Variants in SFXN5 observed in about 807,000 individuals in gnomAD.
SFXN5 encodes sideroflexin 5, also known as sideroflexin-5.
A neutral mutation model predicts 50.2 loss-of-function variants in SFXN5; 43 were observed. That is an observed-to-expected ratio of 0.86 (90% CI 0.67 to 1.11). The LOEUF is 1.11. Ranked by LOEUF, SFXN5 falls within the 50% of genes least tolerant of loss-of-function variation. The probability of loss-of-function intolerance (pLI) is 0.00; values close to 1 mark genes in which losing one functional copy is unlikely to be tolerated. For synonymous variants in SFXN5, 203 were observed against 185.8 expected (o/e 1.09, Z -0.75); for missense variants, 463 against 454.1 (o/e 1.02, Z -0.18).
rs754678406 is a variant in SFXN5, at chr2:73,023,153, C to T, written c.276+35G>A. 1.9e-5 allele frequency: 31 copies of T among 1,593,768 alleles called. No individual in the cohort carries two copies. In the East Asian group the frequency reaches 2.0e-4, roughly 11 times the overall value. ...GGGCAGGGTGGAGTCCAGGACAACA[C>T]GGAGAAGGAAATAGAGAATCCAAAA... On this transcript the variant is annotated intron_variant, in intron 4 of 13. Coordinates refer to ENST00000272433, the MANE Select transcript of SFXN5 (RefSeq NM_144579.3).
Position 72,988,358 on chromosome 2 carries a change from A to C in SFXN5, c.535-10T>G. 16 of 1,611,990 alleles carry C rather than the reference A, an allele frequency of 9.9e-6. No individual in the cohort carries two copies. The highest frequency in any genetic ancestry group is 1.3e-5 in the Non-Finnish European group (15 of 1,178,742). On this transcript the variant is annotated splice_polypyrimidine_tract_variant and intron_variant, in intron 9 of 13. Coordinates refer to ENST00000272433, the MANE Select transcript of SFXN5 (RefSeq NM_144579.3). ...GGACATTAAGGCCCACCTTTGAAAG[A>C]AAAAAATAAAAACACAGAAAAAGTA...
chr2:73,063,852 T>G (rs940056044), intron 1 of SFXN5, among the ~76,000 whole-genome samples: 1 of 152,234 alleles, frequency 6.6e-6, no homozygotes, highest in Non-Finnish European at 1.5e-5. Flanking sequence ...AGGAAGGTTA[T>G]ACTTTCTCAG....
In SFXN5 at chr2:72,945,413, T is replaced by C. The variant is rs947025750; in HGVS notation, c.946-314A>G. The stretch of plus-strand genomic sequence containing the variant: ...CCTCACCCCCAAGAACCATGTCCAC[T>C]GCACTGCAGACCTACCACAGCCCTG... On this transcript the variant is annotated intron_variant, in intron 13 of 13. Transcript: ENST00000272433. The surrounding 1 kb of genome is among the most constrained non-coding windows in gnomAD (Gnocchi z 5.8). 2.6e-5 allele frequency among the ~76,000 whole-genome samples: 4 copies of C among 151,966 alleles called. No individual in the cohort carries two copies. The highest frequency in any genetic ancestry group is 9.7e-5 in the African/African-American group (4 of 41,358).
intron 10 of SFXN5, among the ~76,000 whole-genome samples, chr2:72,985,005 G>A (rs1671730175): frequency 6.6e-6 from 1 of 152,272 alleles, no homozygotes; most frequent in Non-Finnish European, 1.5e-5. Flanking sequence ...AGAAGTGTGA[G>A]AGCCTGGATG....
chr2:73,020,411 T>G, intron 5 of SFXN5, 147 bp from the exon 6 acceptor site: 1 of 703,728 alleles, frequency 1.4e-6, no homozygotes, highest in Non-Finnish European at 2.4e-6. Flanking sequence ...TCCTATCTCA[T>G]AGACCCTTTC....
At chr2:72,966,469 G>A (rs1432119964) in intron 12 of SFXN5, among the ~76,000 whole-genome samples, 1 of 152,172 alleles carries the variant, frequency 6.6e-6, no homozygotes, top group African/African-American at 2.4e-5. Context: ...GGGCACAAAA[G>A]AGCCTGCCCT....
At chr2:73,060,563 G>T (rs373231790) in intron 1 of SFXN5, among the ~76,000 whole-genome samples, 24 of 152,168 alleles carry the variant, frequency 1.6e-4, no homozygotes, top group Middle Eastern at 3.4e-3. Flanking sequence ...TGGCGTAGAG[G>T]GGGGAATGCT....
chr2:73,034,796 T>C (rs1456638844), intron 3 of SFXN5, among the ~76,000 whole-genome samples: 1 of 152,190 alleles, frequency 6.6e-6, no homozygotes, highest in Non-Finnish European at 1.5e-5. Flanking sequence ...AATACCACTG[T>C]CGTGCTACTC....
intron 6 of SFXN5, among the ~76,000 whole-genome samples, chr2:73,018,145 C>T (rs1482707995): frequency 6.6e-6 from 1 of 151,484 alleles, no homozygotes; most frequent in Non-Finnish European, 1.5e-5. Flanking sequence ...GAGTTTGAGG[C>T]TCCAGTGAGC....
Position 73,024,888 on chromosome 2 carries a change from A to T in SFXN5, c.250-1674T>A, listed in dbSNP as rs570362730. 5.3e-5 allele frequency among the ~76,000 whole-genome samples: 8 copies of T among 152,350 alleles called. No homozygotes were observed. The South Asian group carries it at 1.7e-3, about 32-fold the overall frequency. On this transcript the variant is annotated intron_variant, in intron 3 of 13. Transcript: ENST00000272433. ...AGTAAAAATAGAAGTTATAAAATTG[A>T]TACATTAAAGTTTATGCATTTTTCT...
chr2:73,022,383 G>A, intron 5 of SFXN5, 139 bp downstream of exon 5: 1 of 696,774 alleles, frequency 1.4e-6, no homozygotes. Flanking sequence ...GAGCTGAGGT[G>A]AATGTAGAGG....
At position 72,950,910 on chromosome 2, in the gene SFXN5, GCC is replaced by G. The variant is rs908595785; in HGVS notation, c.946-5813_946-5812del. On this transcript the variant is annotated intron_variant, in intron 13 of 13. Transcript: ENST00000272433. This position sits in a 1 kb window ranked among gnomAD's most constrained non-coding sequence, Gnocchi z 4.2. ...GGATGAGGAGAGAGGACAAGGAGTG[GCC>G]ATAGGGAGAAGGGGTGGCCCAGGCC... Among the ~76,000 whole-genome samples, 4 of 152,222 alleles carry G rather than the reference GCC, an allele frequency of 2.6e-5. No individual in the cohort carries two copies. Among genetic ancestry groups the G allele is most frequent in the African/African-American group, 9.6e-5 (4 of 41,454 alleles).
chr2:72,970,663 G>A (rs2105450960), intron 11 of SFXN5, among the ~76,000 whole-genome samples: 1 of 152,162 alleles, frequency 6.6e-6, no homozygotes, highest in East Asian at 1.9e-4. Context: ...GGAAAGCAGA[G>A]GGAGATGTAC....
At chr2:73,047,604 G>C (rs1483793044) in intron 2 of SFXN5, among the ~76,000 whole-genome samples, 2 of 151,798 alleles carry the variant, frequency 1.3e-5, no homozygotes, top group Non-Finnish European at 2.9e-5. Context: ...AGATCTGATG[G>C]TTTTATAAAT....
At chr2:72,959,867 G>C (rs183476301) in intron 13 of SFXN5, among the ~76,000 whole-genome samples, 2 of 152,100 alleles carry the variant, frequency 1.3e-5, no homozygotes, top group Non-Finnish European at 2.9e-5. Flanking sequence ...ATCTTGTTGC[G>C]GCTGTGGACC....
At chr2:72,993,137 C>T (rs1672813211) in intron 9 of SFXN5, among the ~76,000 whole-genome samples, 1 of 152,108 alleles carries the variant, frequency 6.6e-6, no homozygotes, top group African/African-American at 2.4e-5. Context: ...AAGGGGCACG[C>T]CTAAAAGGAG....
chr2:73,028,059 A>G (rs985450656), intron 3 of SFXN5, among the ~76,000 whole-genome samples: 1 of 152,192 alleles, frequency 6.6e-6, no homozygotes, highest in Non-Finnish European at 1.5e-5. Flanking sequence ...TATTCAGTAG[A>G]GTACCATGCT....
At chr2:73,038,485 TA>T (rs869138866) in intron 3 of SFXN5, among the ~76,000 whole-genome samples, 3 of 151,674 alleles carry the variant, frequency 2.0e-5, no homozygotes, top group East Asian at 3.9e-4. Flanking sequence ...AAATTTATTT[TA>T]AAAAAAAATT....
intron 2 of SFXN5, among the ~76,000 whole-genome samples, chr2:73,047,236 AAAAAAAAAAAT>A (rs1363252927): frequency 4.6e-5 from 3 of 64,566 alleles, no homozygotes; most frequent in African/African-American, 1.5e-4. Flanking sequence ...AAAAAAAAAA[AAAAAAAAAAAT>A]ATATATATAT....
Sources: gnomAD v4.1 joint callset for allele counts (sites outside exome capture counted in the v4.1 genomes callset) on GRCh38, gnomAD v4.1.1 for gene constraint, Gnocchi (gnomAD v3.1) non-coding constraint, MANE v1.5 for transcripts, NCBI Gene and HGNC (gene_info 2026-07-23, HGNC 2026-07-21) for gene names.